ADGRB3: variants seen among roughly 807,000 people sequenced by gnomAD.
The protein encoded by ADGRB3 is brain-specific angiogenesis inhibitor 3.
Under a neutral mutation model 193.4 loss-of-function variants are expected in ADGRB3, and 37 were observed. The observed-to-expected ratio is 0.19, with a 90% CI of 0.15 to 0.25. The LOEUF is 0.25. Ranked by LOEUF, ADGRB3 falls within the 10% of genes least tolerant of loss-of-function variation. The probability of loss-of-function intolerance (pLI) is 1.00; values close to 1 mark genes in which losing one functional copy is unlikely to be tolerated. For missense variants in ADGRB3, 1,637 were observed against 1,852.9 expected (o/e 0.88, Z 2.14); for synonymous variants, 690 against 644.2 (o/e 1.07, Z -1.08).
intron 3 of ADGRB3, among the ~76,000 whole-genome samples, chr6:68,656,857 C>A (rs1040268949): frequency 2.0e-5 from 3 of 151,500 alleles, no homozygotes; most frequent in Non-Finnish European, 3.0e-5. Flanking sequence ...ACTTTATTTT[C>A]TGCATCTGCA....
intron 3 of ADGRB3, among the ~76,000 whole-genome samples, chr6:68,771,421 T>C (rs1766616206): frequency 6.6e-6 from 1 of 151,756 alleles, no homozygotes; most frequent in Non-Finnish European, 1.5e-5. Flanking sequence ...CATATATGTA[T>C]ACACACACAT....
intron 3 of ADGRB3, among the ~76,000 whole-genome samples, chr6:68,793,382 A>C (rs1420029460): frequency 3.9e-5 from 6 of 152,078 alleles, no homozygotes; most frequent in Admixed American, 3.9e-4. Flanking sequence ...CTGTGTGTGC[A>C]TGTGTGTATG....
At chr6:68,757,445 T>C (rs1766317718) in intron 3 of ADGRB3, among the ~76,000 whole-genome samples, 1 of 152,156 alleles carries the variant, frequency 6.6e-6, no homozygotes, top group African/African-American at 2.4e-5. Context: ...CACAACCTTA[T>C]TTGTCTGACT....
intron 11 of ADGRB3, among the ~76,000 whole-genome samples, chr6:69,006,948 G>A (rs939984410): frequency 2.6e-5 from 4 of 151,734 alleles, no homozygotes; most frequent in African/African-American, 9.7e-5. Flanking sequence ...TGACTGAAAA[G>A]CCTCCAGTTT....
chr6:69,099,504 C>T (rs1272876703), intron 17 of ADGRB3, among the ~76,000 whole-genome samples: 1 of 152,174 alleles, frequency 6.6e-6, no homozygotes, highest in Non-Finnish European at 1.5e-5. Flanking sequence ...TGCATGAGTA[C>T]AAAGTTTCTT....
intron 17 of ADGRB3, among the ~76,000 whole-genome samples, chr6:69,224,197 C>G (rs953615413): frequency 1.3e-5 from 2 of 151,640 alleles, no homozygotes; most frequent in African/African-American, 4.8e-5. Flanking sequence ...GAAGTAAAAG[C>G]CATTAGAGTC....
At chr6:69,336,092 G>A (rs1768840084) in intron 24 of ADGRB3, among the ~76,000 whole-genome samples, 1 of 151,552 alleles carries the variant, frequency 6.6e-6, no homozygotes, top group Non-Finnish European at 1.5e-5. Flanking sequence ...AGAAGTACAG[G>A]CTTTTTACAC....
intron 15 of ADGRB3, among the ~76,000 whole-genome samples, chr6:69,060,166 A>G (rs1003049861): frequency 6.6e-6 from 1 of 151,476 alleles, no homozygotes; most frequent in Non-Finnish European, 1.5e-5. Context: ...TAAATATATT[A>G]AAACATACAC....
At chr6:68,887,190 T>C (rs1765934652) in intron 3 of ADGRB3, among the ~76,000 whole-genome samples, 1 of 151,974 alleles carries the variant, frequency 6.6e-6, no homozygotes, top group African/African-American at 2.4e-5. Flanking sequence ...TTTAAAAATA[T>C]TTTCAAATTG....
chr6:69,294,905 A>G (rs1457728901), intron 20 of ADGRB3, among the ~76,000 whole-genome samples: 1 of 152,312 alleles, frequency 6.6e-6, no homozygotes, highest in Middle Eastern at 3.4e-3. Context: ...CTTATATTCC[A>G]TATTTTCATA....
intron 11 of ADGRB3, among the ~76,000 whole-genome samples, chr6:69,006,080 T>G (rs926225236): frequency 3.9e-5 from 6 of 152,070 alleles, no homozygotes; most frequent in African/African-American, 1.4e-4. Flanking sequence ...AAAAAGTACC[T>G]AGAGCACTCT....
At chr6:69,352,244 A>G (rs1769241261) in intron 26 of ADGRB3, among the ~76,000 whole-genome samples, 1 of 152,210 alleles carries the variant, frequency 6.6e-6, no homozygotes. Flanking sequence ...TTAATCTAAA[A>G]AGGAGGAGCT....
At chr6:68,892,035 G>A (rs1270490199) in intron 3 of ADGRB3, among the ~76,000 whole-genome samples, 1 of 152,102 alleles carries the variant, frequency 6.6e-6, no homozygotes, top group Admixed American at 6.6e-5. Flanking sequence ...GACTATTGAG[G>A]AACTATATTT....
chr6:68,821,094 A>G (rs1767740486), intron 3 of ADGRB3, among the ~76,000 whole-genome samples: 3 of 152,058 alleles, frequency 2.0e-5, no homozygotes, highest in African/African-American at 7.2e-5. Context: ...TTCAGAAAAC[A>G]AGGATTTTTG....
rs531574396 is a variant in ADGRB3 at position 69,155,968 on chromosome 6, TAAATG to T, written c.2481-77318_2481-77314del. Among the ~76,000 whole-genome samples the T allele has an allele frequency of 2.3e-4, 35 of 152,214 alleles. No individual in the cohort carries two copies. The South Asian group carries it at 7.2e-3, about 32-fold the overall frequency. On this transcript the variant is annotated intron_variant, in intron 17 of 31. Coordinates refer to ENST00000370598, the MANE Select transcript of ADGRB3 (RefSeq NM_001704.3). ...TTGTTCTTATGTTTCTTATATATAT[TAAATG>T]AAAGTTTAAAAATAAACACAAAATA...
intron 16 of ADGRB3, among the ~76,000 whole-genome samples, chr6:69,071,154 CTTG>C (rs1412502587): frequency 6.6e-6 from 1 of 152,140 alleles, no homozygotes; most frequent in African/African-American, 2.4e-5. Flanking sequence ...AATGGTTAGA[CTTG>C]TTGTGATCAT....
chr6:68,879,213 C>CTTTTTTTTT (rs529789046), intron 3 of ADGRB3, among the ~76,000 whole-genome samples: 4 of 91,906 alleles, frequency 4.4e-5, no homozygotes, highest in African/African-American at 4.9e-5. Context: ...CTTTTTGTCG[C>CTTTTTTTTT]TTTTTTTTTT....
intron 17 of ADGRB3, among the ~76,000 whole-genome samples, chr6:69,114,376 T>C (rs1773461893): frequency 6.6e-6 from 1 of 152,224 alleles, no homozygotes; most frequent in Non-Finnish European, 1.5e-5. Flanking sequence ...TCTTGTAAAT[T>C]TGTTTAAGTT....
chr6:69,328,830 A>G (rs913592914), intron 22 of ADGRB3, among the ~76,000 whole-genome samples: 1 of 152,152 alleles, frequency 6.6e-6, no homozygotes, highest in Non-Finnish European at 1.5e-5. Context: ...CAGCACTAGC[A>G]CCTTAATTTA....
Sources: allele counts gnomAD v4.1 joint callset (sites outside exome capture counted in the v4.1 genomes callset), GRCh38; gene constraint gnomAD v4.1.1; transcripts MANE v1.5; gene names NCBI Gene and HGNC (gene_info 2026-07-23, HGNC 2026-07-21).